The following PHLDB1 variants were observed in gnomAD, a reference collection of about 807,000 sequenced individuals.
PHLDB1 encodes the protein pleckstrin homology-like domain family B member 1.
Under a neutral mutation model 139.3 loss-of-function variants are expected in PHLDB1, and 65 were observed. The observed-to-expected ratio is 0.47, with a 90% confidence interval of 0.38 to 0.57. The LOEUF (loss-of-function observed/expected upper bound fraction) is 0.57, where lower values mean the gene tolerates loss of function less well. Ranked by LOEUF, PHLDB1 falls within the 20% of genes least tolerant of loss-of-function variation. PHLDB1 has a pLI of 0.00. For synonymous variants in PHLDB1, 679 were observed against 734.5 expected (o/e 0.92, Z 1.22); for missense variants, 1,624 against 1,839.7 (o/e 0.88, Z 2.14).
chr11:118,643,482 G>A (rs904292256), intron 13 of PHLDB1: 1 of 984,332 alleles, frequency 1.0e-6, no homozygotes, highest in Admixed American at 6.1e-5. Flanking sequence ...TAGGACCAGA[G>A]GGAACCCAGC....
intron 20 of PHLDB1, chr11:118,653,980 G>A (rs1334213187): frequency 2.0e-5 from 3 of 152,228 alleles, no homozygotes; most frequent in Non-Finnish European, 2.9e-5. Flanking sequence ...GAGAAGCTCA[G>A]ATAGGACTTG....
chr11:118,627,540 C>T lies in PHLDB1; in HGVS notation c.717C>T (p.Pro239=), dbSNP rs541827018. 137 of 1,614,070 alleles carry T rather than the reference C, an allele frequency of 8.5e-5. No individual in the cohort carries two copies. Among genetic ancestry groups the T allele is most frequent in the Non-Finnish European group, 1.1e-4 (124 of 1,180,044 alleles). The part of the protein sequence containing the change: ...GRYLLSPPTS[P]GAMSVGSSYE... ...ACCTGCTGTCTCCCCCAACCAGCCC[C>T]GGCGCCATGTCTGTGGGCTCCAGCT... The change falls in exon 6 of 23, where the codon CCC becomes CCT. Residue 239 remains proline (P), a synonymous_variant. Coordinates refer to ENST00000600882, the MANE Select transcript of PHLDB1 (RefSeq NM_001144758.3).
intron 10 of PHLDB1, 71 bp downstream of exon 10, chr11:118,635,619 C>A: frequency 7.5e-7 from 1 of 1,332,032 alleles, no homozygotes; most frequent in Non-Finnish European, 9.9e-7. Context: ...CCAATGACCT[C>A]ACAAAAGTTA....
chr11:118,623,314 A>G (rs1232189266), intron 4 of PHLDB1, among the ~76,000 whole-genome samples: 1 of 152,196 alleles, frequency 6.6e-6, no homozygotes, highest in Non-Finnish European at 1.5e-5. Context: ...CTCCCAACAT[A>G]GTATCTTCTG....
chr11:118,656,873 AC>A lies in PHLDB1; in HGVS notation c.*51del. 4 of 1,531,210 alleles carry A rather than the reference AC, an allele frequency of 2.6e-6. No individual in the cohort carries two copies. The highest frequency in any genetic ancestry group is 3.6e-6 in the Non-Finnish European group (4 of 1,115,876). 94.9% of individuals were successfully genotyped at this position (1,531,210 alleles called of 1,614,324 possible). On this transcript the variant is annotated 3_prime_UTR_variant, in exon 23 of 23. Transcript: ENST00000600882. Reference sequence around the variant, plus strand: ...ACAACTGGGGCTTTTGTATAAGAAGACTTTAATATTCTGTAAGGAGCTTGGT... The same window carrying A: ...ACAACTGGGGCTTTTGTATAAGAAGATTTAATATTCTGTAAGGAGCTTGGT...
intron 5 of PHLDB1, 68 bp from the exon 6 acceptor site, chr11:118,627,237 G>A (rs1342024962): frequency 6.8e-7 from 1 of 1,480,380 alleles, no homozygotes. Context: ...AGGAGGAGGG[G>A]GGCTAGTGCT....
At chr11:118,606,960 T>G (rs981542319), upstream of PHLDB1, among the ~76,000 whole-genome samples, 16 of 152,144 alleles carry the variant, frequency 1.1e-4, no homozygotes, top group African/African-American at 3.9e-4. Flanking sequence ...TGCATGACAC[T>G]TTAACGAGTC....
In PHLDB1 at chr11:118,628,941, A is replaced by G. The variant is rs60870427; in HGVS notation, c.1827+291A>G. ...AATTTCACATTGTTTACCTGAGCAC[A>G]GTGAAGCTCTAGGAAAACATACCAC... is the stretch of plus-strand genomic sequence containing the variant. On this transcript the variant is annotated intron_variant, in intron 6 of 22. Coordinates refer to ENST00000600882, the MANE Select transcript of PHLDB1 (RefSeq NM_001144758.3). 4.9e-3 allele frequency among the ~76,000 whole-genome samples: 748 copies of G among 152,392 alleles called. 5 individuals are homozygous for G. The highest frequency in any genetic ancestry group is 0.017 in the Middle Eastern group (5 of 294).
In PHLDB1 at chr11:118,643,812, A is replaced by G; in HGVS notation, c.2890A>G (p.Lys964Glu). 1.2e-6 allele frequency: 2 copies of G among 1,614,140 alleles called. No homozygotes were observed. Among genetic ancestry groups the G allele is most frequent in the Non-Finnish European group, 1.7e-6 (2 of 1,180,008 alleles). The change falls in exon 14 of 23, where the codon AAG becomes GAG. Residue 964 changes from lysine (K) to glutamate (E), a missense_variant. By Grantham distance (56) the Lys-to-Glu change is moderately conservative. Transcript: ENST00000600882. ...ASRQLQVYRSKMDGEATSPLP... is the reference protein window; with the variant it reads ...ASRQLQVYRSEMDGEATSPLP... The stretch of plus-strand genomic sequence containing the variant: ...CTTTTCTTTCCAGGTTTACCGCTCC[A>G]AGATGGATGGCGAGGCCACCAGCCC...
rs1591417236 is a variant in PHLDB1 at position 118,610,318 on chromosome 11, T to G, written c.-22+2619T>G. On this transcript the variant is annotated intron_variant, in intron 1 of 22. Transcript: ENST00000600882. The surrounding 1 kb of genome is among the most constrained non-coding windows in gnomAD (Gnocchi z 8.7). ...TCATCCTTAAGTTCTCTCGTCCCCCTCCCCACTCGGGCGTCCCCCGCTGGG... is the reference window on the plus strand; with the variant it reads ...TCATCCTTAAGTTCTCTCGTCCCCCGCCCCACTCGGGCGTCCCCCGCTGGG... 3.7e-6 allele frequency: 1 copy of G among 268,310 alleles called. No homozygotes were observed. Among genetic ancestry groups the G allele is most frequent in the South Asian group, 1.5e-4 (1 of 6,716 alleles). 16.6% of individuals were successfully genotyped at this position (268,310 alleles called of 1,614,324 possible).
rs782174338 is a variant in PHLDB1 at position 118,628,352 on chromosome 11, G to A, written c.1529G>A (p.Gly510Glu). ...ASPEDFSLTL[G>E]ARGRRTRSPS... ...CCAGAGGACTTCTCCCTGACGCTGG[G>A]GGCACGGGGCCGTAGGACACGGAGC... Residue 510 changes from glycine to glutamate, a missense_variant, in exon 6 of 23, where the codon GGG becomes GAG. By Grantham distance (98) the Gly-to-Glu change is moderately conservative (BLOSUM62 -2). Transcript: ENST00000600882. 1.2e-6 allele frequency: 2 copies of A among 1,612,044 alleles called. No homozygotes were observed. The highest frequency in any genetic ancestry group is 8.5e-7 in the Non-Finnish European group (1 of 1,179,180).
intron 10 of PHLDB1, chr11:118,637,903 A>G (rs1348754764): frequency 6.6e-6 from 1 of 152,252 alleles, no homozygotes; most frequent in Non-Finnish European, 1.5e-5. Context: ...AAAGACAGAA[A>G]AGACAATGTG....
intron 4 of PHLDB1, among the ~76,000 whole-genome samples, chr11:118,617,971 A>G (rs1195219181): frequency 1.3e-5 from 2 of 151,916 alleles, no homozygotes; most frequent in Non-Finnish European, 2.9e-5. Flanking sequence ...CATCACATTC[A>G]TCGGTAAGAA....
chr11:118,620,129 C>G lies in PHLDB1; in HGVS notation c.355+3918C>G, dbSNP rs1372630296. The stretch of plus-strand genomic sequence containing the variant: ...ATAAAACATTGTGTCCCGTAAGGCT[C>G]TGGTGTGCAGGGGCCAGGTCCCTGG... On this transcript the variant is annotated intron_variant, in intron 4 of 22. Coordinates refer to ENST00000600882, the MANE Select transcript of PHLDB1 (RefSeq NM_001144758.3). This position sits in a 1 kb window ranked among gnomAD's most constrained non-coding sequence, Gnocchi z 4.1. Among the ~76,000 whole-genome samples, 1 of 152,214 alleles carries G rather than the reference C, an allele frequency of 6.6e-6. No individual in the cohort carries two copies. Among genetic ancestry groups the G allele is most frequent in the Non-Finnish European group, 1.5e-5 (1 of 68,038 alleles).
At chr11:118,635,062 C>T (rs1187117162) in intron 9 of PHLDB1, 1 of 498,864 alleles carries the variant, frequency 2.0e-6, no homozygotes, top group Non-Finnish European at 3.9e-6. Flanking sequence ...GTCAGTTCCA[C>T]CGCCCCCCCT....
intron 12 of PHLDB1, 196 bp from the exon 13 acceptor site, chr11:118,642,058 C>T (rs1229982165): frequency 5.1e-5 from 28 of 552,538 alleles, no homozygotes; most frequent in Admixed American, 1.7e-4. Flanking sequence ...CTCCTTTCTC[C>T]CTTCCTTCCT....
chr11:118,643,774 C>T, intron 13 of PHLDB1, 26 bp from the exon 14 acceptor site: 1 of 1,614,044 alleles, frequency 6.2e-7, no homozygotes, highest in East Asian at 2.2e-5. Context: ...AGCCAGGAAT[C>T]ACTGGGCACT....
At chr11:118,639,844 A>G (rs4245184) in intron 12 of PHLDB1, 559,782 of 983,794 alleles carry the variant, frequency 0.57, 159,321 homozygotes, top group East Asian at 0.72. Context: ...GCCCCTCACC[A>G]TGTCCCCTCT....
rs1013775024 is a variant in PHLDB1 at position 118,610,995 on chromosome 11, G to T, written c.-21-2821G>T. Among the ~76,000 whole-genome samples the T allele has an allele frequency of 2.0e-5, 3 of 152,024 alleles. No individual in the cohort carries two copies. The highest frequency in any genetic ancestry group is 3.2e-3 in the Middle Eastern group (1 of 312). ...CCAGGGCCGGACGCGCACCGCAGGG[G>T]TCTTTTTTTGGCCGCGGGGCCGGGC... On this transcript the variant is annotated intron_variant, in intron 1 of 22. Transcript: ENST00000600882. This position sits in a 1 kb window ranked among gnomAD's most constrained non-coding sequence, Gnocchi z 8.7.
Sources: allele counts gnomAD v4.1 joint callset (sites outside exome capture counted in the v4.1 genomes callset), GRCh38; gene constraint gnomAD v4.1.1; non-coding constraint Gnocchi (gnomAD v3.1); transcripts MANE v1.5; gene names NCBI Gene and HGNC (gene_info 2026-07-23, HGNC 2026-07-21).